The following PSMB2 variants were observed in gnomAD, a reference collection of about 807,000 sequenced individuals.
PSMB2 encodes proteasome subunit beta type-2.
PSMB2 carries 13 observed loss-of-function variants against 25.7 expected under a neutral mutation model. That is an observed-to-expected ratio of 0.51 (90% CI 0.33 to 0.80). The LOEUF (loss-of-function observed/expected upper bound fraction) is 0.80. Ranked by LOEUF, PSMB2 falls within the 30% of genes least tolerant of loss-of-function variation. The pLI is 0.02. For synonymous variants in PSMB2, 87 were observed against 96.2 expected, an observed-to-expected ratio of 0.90 and a Z score of 0.56; for missense variants, 202 against 259.0, an observed-to-expected ratio of 0.78 and a Z score of 1.51.
chr1:35,607,244 G>A (rs1650195762), intron 4 of PSMB2, among the ~76,000 whole-genome samples: 1 of 152,084 alleles, frequency 6.6e-6, no homozygotes, highest in Non-Finnish European at 1.5e-5. Context: ...GAGTGAAAAG[G>A]CAACCTACAG....
intron 5 of PSMB2, among the ~76,000 whole-genome samples, 174 bp from the exon 6 acceptor site, chr1:35,603,548 C>G (rs978813517): frequency 1.3e-5 from 2 of 152,020 alleles, no homozygotes; most frequent in Non-Finnish European, 2.9e-5. Flanking sequence ...TAGAGGGTAC[C>G]CAAACAGCAG....
At chr1:35,635,620 A>G (rs1170946049) in intron 2 of PSMB2, among the ~76,000 whole-genome samples, 1 of 152,066 alleles carries the variant, frequency 6.6e-6, no homozygotes, top group East Asian at 1.9e-4. Flanking sequence ...CACAAGGTCA[A>G]GAGATGGAGA....
At chr1:35,625,590 G>A (rs1220340222) in intron 3 of PSMB2, among the ~76,000 whole-genome samples, 2 of 151,702 alleles carry the variant, frequency 1.3e-5, no homozygotes, top group Non-Finnish European at 2.9e-5. Flanking sequence ...GTGAAACCCC[G>A]TCTCTACTAA....
chr1:35,605,318 C>T (rs1182659091), intron 4 of PSMB2, 36 bp from the exon 5 acceptor site: 4 of 1,592,176 alleles, frequency 2.5e-6, no homozygotes, highest in Admixed American at 3.4e-5. Flanking sequence ...ACTTCCGGTG[C>T]TGTCATTATA....
intron 3 of PSMB2, among the ~76,000 whole-genome samples, chr1:35,625,453 C>A (rs968239466): frequency 6.6e-6 from 1 of 152,050 alleles, no homozygotes; most frequent in African/African-American, 2.4e-5. Context: ...ATCAAATATG[C>A]CACATAATTC....
At chr1:35,620,979 C>T (rs371637766) in intron 3 of PSMB2, among the ~76,000 whole-genome samples, 21 of 151,518 alleles carry the variant, frequency 1.4e-4, no homozygotes, top group African/African-American at 4.6e-4. Context: ...TTTAGATTAT[C>T]GATTTTATGT....
intron 3 of PSMB2, among the ~76,000 whole-genome samples, chr1:35,627,723 A>C (rs1650908757): frequency 6.6e-6 from 1 of 152,206 alleles, no homozygotes; most frequent in African/African-American, 2.4e-5. Flanking sequence ...GTAAGTAGGG[A>C]AATTAAGCTT....
intron 5 of PSMB2, among the ~76,000 whole-genome samples, chr1:35,604,210 A>T (rs2148560917): frequency 6.6e-6 from 1 of 152,210 alleles, no homozygotes; most frequent in Admixed American, 6.6e-5. Context: ...AAAAAAACTA[A>T]TGTGGCTGGT....
intron 3 of PSMB2, among the ~76,000 whole-genome samples, chr1:35,613,082 T>C (rs1360425605): frequency 6.6e-6 from 1 of 152,262 alleles, no homozygotes; most frequent in Non-Finnish European, 1.5e-5. Context: ...CAACTCCTGG[T>C]ATTGAAGATA....
Position 35,603,360 on chromosome 1 carries a change from G to A in PSMB2, c.513C>T (p.Phe171=). 6.2e-7 allele frequency: 1 copy of A among 1,614,148 alleles called. No homozygotes were observed. Among genetic ancestry groups the A allele is most frequent in the Non-Finnish European group, 8.5e-7 (1 of 1,179,998 alleles). The change falls in exon 6 of 6, where the codon TTC becomes TTT. Residue 171 remains phenylalanine (F), a synonymous_variant. Transcript: ENST00000373237. ...CACTGAAGGTTGGCAGATTCAGGAT[G>A]AAGCGTTTCTGGAGCTGCAGAGAGA... ...RKCLEELQKR[F]ILNLPTFSVR...
rs1207678580 is a variant in PSMB2 at position 35,601,664 on chromosome 1, CA to C, written c.*1602del. 1 of 985,086 alleles carries C rather than the reference CA, an allele frequency of 1.0e-6. No homozygotes were observed. The highest frequency in any genetic ancestry group is 6.2e-5 in the Admixed American group (1 of 16,254). The allele number at this position is 985,086 out of a possible 1,614,324, so 61.0% of individuals were successfully genotyped here. On this transcript the variant is annotated 3_prime_UTR_variant, in exon 6 of 6. Transcript: ENST00000373237. ...ATGATACATTTAATCACAGACAAAA[CA>C]AAAACCTATCTGTATATGATATTAA...
Position 35,600,011 on chromosome 1 carries a change from C to A in PSMB2, c.*3256G>T, listed in dbSNP as rs1478304476. ...ATTAGCTGGGTGCAGTGGTGCACCC[C>A]TCTAGTCCCAGCTAGTTGGGAGGCT... On this transcript the variant is annotated 3_prime_UTR_variant, in exon 6 of 6. Coordinates refer to ENST00000373237, the MANE Select transcript of PSMB2 (RefSeq NM_002794.5). The A allele has an allele frequency of 8.8e-6, 5 of 568,776 alleles. No homozygotes were observed. Among genetic ancestry groups the A allele is most frequent in the Non-Finnish European group, 8.9e-6 (4 of 449,738 alleles). The allele number at this position is 568,776 out of a possible 1,614,324, so 35.2% of individuals were successfully genotyped here. A position where few individuals can be genotyped will look rare whatever the true frequency, so the allele number is the denominator to read the frequency against.
intron 3 of PSMB2, among the ~76,000 whole-genome samples, chr1:35,624,582 G>A (rs370949222): frequency 2.4e-4 from 37 of 151,912 alleles, no homozygotes; most frequent in African/African-American, 7.7e-4. Context: ...GTGAAACCCC[G>A]TCTCTATGAA....
chr1:35,622,810 TAAA>T (rs113355309), intron 3 of PSMB2, among the ~76,000 whole-genome samples: 4 of 133,120 alleles, frequency 3.0e-5, no homozygotes, highest in African/African-American at 8.3e-5. Flanking sequence ...ACAGCACATT[TAAA>T]AAAAAAAAAA....
At chr1:35,608,495 C>T (rs1231994309) in intron 4 of PSMB2, among the ~76,000 whole-genome samples, 1 of 151,898 alleles carries the variant, frequency 6.6e-6, no homozygotes, top group Non-Finnish European at 1.5e-5. Context: ...TAAATGTTCC[C>T]AACACAAAAT....
intron 3 of PSMB2, among the ~76,000 whole-genome samples, chr1:35,627,215 T>C (rs1650891576): frequency 7.2e-6 from 1 of 138,322 alleles, no homozygotes; most frequent in Non-Finnish European, 1.5e-5. Flanking sequence ...TGCAGTGAGC[T>C]GTGACTGTGC....
rs756503983 is a variant in PSMB2 at position 35,631,326 on chromosome 1, G to T, written c.233C>A (p.Thr78Lys). The T allele has an allele frequency of 6.2e-7, 1 of 1,614,124 alleles. No homozygotes were observed. Among genetic ancestry groups the T allele is most frequent in the South Asian group, 1.1e-5 (1 of 91,084 alleles). ...TCGGCGTGTGAAGTTAGCTGCTGCC[G>T]TGGGAGACAATTCATATCCTGGTAG... is the stretch of plus-strand genomic sequence containing the variant. The part of the protein sequence containing the change: ...KMRNGYELSP[T>K]AAANFTRRNL... Residue 78 changes from threonine (T) to lysine (K), a missense_variant, in exon 3 of 6, where the codon ACG becomes AAG. Physicochemically the swap from Thr to Lys is moderately conservative, Grantham distance 78. Transcript: ENST00000373237.
chr1:35,602,954 T>A lies in PSMB2; in HGVS notation c.*313A>T. 1 of 1,058,742 alleles carries A rather than the reference T, an allele frequency of 9.4e-7. No homozygotes were observed. The highest frequency in any genetic ancestry group is 3.6e-5 in the South Asian group (1 of 27,640). The allele number at this position is 1,058,742 out of a possible 1,614,324, so 65.6% of individuals were successfully genotyped here. On this transcript the variant is annotated 3_prime_UTR_variant, in exon 6 of 6. Transcript: ENST00000373237. ...TGGAGATACTAGCAAGTAAAATATA[T>A]GAAAGAGCTAGTTGGAAAGGAAGCC...
At chr1:35,617,289 C>G (rs2148567868) in intron 3 of PSMB2, among the ~76,000 whole-genome samples, 1 of 152,288 alleles carries the variant, frequency 6.6e-6, no homozygotes, top group South Asian at 2.1e-4. Flanking sequence ...CTCAAGTGAT[C>G]CATCTACCTC....
Sources: gnomAD v4.1 joint callset for allele counts (sites outside exome capture counted in the v4.1 genomes callset) on GRCh38, gnomAD v4.1.1 for gene constraint, MANE v1.5 for transcripts, NCBI Gene and HGNC (gene_info 2026-07-23, HGNC 2026-07-21) for gene names.